IFT56: variants seen among roughly 807,000 people sequenced by gnomAD.
The protein encoded by IFT56 is intraflagellar transport protein 56.
the IFT56 span, among the ~76,000 whole-genome samples, chr7:139,168,889 T>C: frequency 1.3e-5 from 2 of 152,202 alleles, no homozygotes; most frequent in Non-Finnish European, 2.9e-5. Context: ...TCTTTTTATC[T>C]CAAGTTCATT....
the IFT56 span, among the ~76,000 whole-genome samples, chr7:139,137,453 T>G: frequency 1.3e-5 from 2 of 152,094 alleles, no homozygotes; most frequent in Non-Finnish European, 2.9e-5. Context: ...GGCTTTGGAG[T>G]CAGGCATTTC....
At chr7:139,178,549 A>G in the IFT56 span, 5 of 1,614,160 alleles carry the variant, frequency 3.1e-6, no homozygotes, top group Middle Eastern at 1.6e-4. Context: ...TTTAACTTTA[A>G]TTATGCCCAA....
At chr7:139,165,047 G>A in the IFT56 span, 1 of 1,055,094 alleles carries the variant, frequency 9.5e-7, no homozygotes, top group Non-Finnish European at 1.4e-6. Flanking sequence ...CATGAACCCA[G>A]TTATATATGC....
chr7:139,143,539 T>C, the IFT56 span, among the ~76,000 whole-genome samples: 1 of 152,120 alleles, frequency 6.6e-6, no homozygotes, highest in East Asian at 1.9e-4. Flanking sequence ...ATCTATCCTT[T>C]TACTTTCTAC....
At chr7:139,185,785 C>A in the IFT56 span, among the ~76,000 whole-genome samples, 1 of 151,726 alleles carries the variant, frequency 6.6e-6, no homozygotes, top group Non-Finnish European at 1.5e-5. Context: ...GTTTCATTTA[C>A]CATCCTGTAT....
At chr7:139,170,931 G>T in the IFT56 span, among the ~76,000 whole-genome samples, 1 of 152,134 alleles carries the variant, frequency 6.6e-6, no homozygotes, top group African/African-American at 2.4e-5. Flanking sequence ...CAGATGATAT[G>T]ATCTTATATT....
At chr7:139,189,481 GA>G in the IFT56 span, 1 of 1,308,964 alleles carries the variant, frequency 7.6e-7, no homozygotes, top group Non-Finnish European at 1.1e-6. Flanking sequence ...CATAAAACTG[GA>G]AATCATTTTC....
chr7:139,147,419 G>T, the IFT56 span: 2 of 799,516 alleles, frequency 2.5e-6, no homozygotes, highest in Non-Finnish European at 3.7e-6. Context: ...TTGATAATTT[G>T]GTGAGATTAA....
At chr7:139,134,716 A>C in the IFT56 span, 1 of 1,614,058 alleles carries the variant, frequency 6.2e-7, no homozygotes, top group Non-Finnish European at 8.5e-7. Context: ...AAAAGAAAGA[A>C]GAAAGGTAGG....
the IFT56 span, among the ~76,000 whole-genome samples, chr7:139,167,823 C>A: frequency 2.0e-5 from 3 of 151,726 alleles, no homozygotes; most frequent in Non-Finnish European, 2.9e-5. Context: ...GGCCTGTAAT[C>A]CCAGCTACTC....
chr7:139,165,348 G>C, the IFT56 span: 1 of 701,180 alleles, frequency 1.4e-6, no homozygotes. Flanking sequence ...AAATATATTT[G>C]CAACAAGTTC....
At chr7:139,140,428 A>G in the IFT56 span, among the ~76,000 whole-genome samples, 1 of 151,002 alleles carries the variant, frequency 6.6e-6, no homozygotes, top group African/African-American at 2.5e-5. Flanking sequence ...CTTACATATG[A>G]TATTCATCTC....
the IFT56 span, chr7:139,137,994 ACTTTATATTAT>A: frequency 9.4e-7 from 1 of 1,063,888 alleles, no homozygotes; most frequent in Non-Finnish European, 1.4e-6. Context: ...ATGTTATTAA[ACTTTATATTAT>A]AATAATACAT....
chr7:139,134,738 A>G, the IFT56 span: 4 of 1,614,096 alleles, frequency 2.5e-6, no homozygotes, highest in Non-Finnish European at 3.4e-6. Context: ...AGATTCCAAA[A>G]CTAGAGGAGC....
At chr7:139,142,125 G>T in the IFT56 span, 3 of 912,974 alleles carry the variant, frequency 3.3e-6, no homozygotes, top group Non-Finnish European at 5.3e-6. Context: ...CAAACAATAT[G>T]TATTCTAGCA....
chr7:139,181,079 T>C, the IFT56 span: 7 of 1,538,248 alleles, frequency 4.6e-6, no homozygotes, highest in East Asian at 1.6e-4. Context: ...CAAATCTTTG[T>C]TTCCTTTTGC....
chr7:139,180,263 G>C, the IFT56 span, among the ~76,000 whole-genome samples: 1 of 152,216 alleles, frequency 6.6e-6, no homozygotes, highest in Non-Finnish European at 1.5e-5. Flanking sequence ...CGTGAACCCG[G>C]GAGGCGGAGC....
the IFT56 span, among the ~76,000 whole-genome samples, chr7:139,142,867 A>T: frequency 6.6e-6 from 1 of 152,226 alleles, no homozygotes; most frequent in South Asian, 2.1e-4. Context: ...CAACTATACT[A>T]TTATCTGTTA....
the IFT56 span, among the ~76,000 whole-genome samples, chr7:139,166,018 C>T: frequency 2.0e-5 from 3 of 152,154 alleles, no homozygotes; most frequent in African/African-American, 7.2e-5. Flanking sequence ...AGTGCAGTGG[C>T]GTGATCTCCG....
Sources: gnomAD v4.1 joint callset for allele counts (sites outside exome capture counted in the v4.1 genomes callset) on GRCh38, gnomAD v4.1.1 for gene constraint, MANE v1.5 for transcripts, NCBI Gene and HGNC (gene_info 2026-07-23, HGNC 2026-07-21) for gene names.